The following PLEKHA7 variants were observed in gnomAD, a reference collection of about 807,000 sequenced individuals.
PLEKHA7 encodes the protein pleckstrin homology domain containing A7.
A neutral mutation model predicts 170.0 loss-of-function variants in PLEKHA7; 104 were observed. The ratio of observed to expected loss-of-function variants is 0.61; its 90% confidence interval spans 0.52 to 0.72. The LOEUF is 0.72. PLEKHA7 is among the 30% of genes least tolerant of loss of function. The pLI, the probability that PLEKHA7 is intolerant of heterozygous loss-of-function variation, is 0.00. For missense variants in PLEKHA7, 1,615 were observed against 1,671.7 expected, an observed-to-expected ratio of 0.97 and a Z score of 0.59; for synonymous variants, 648 against 660.8, an observed-to-expected ratio of 0.98 and a Z score of 0.30.
At chr11:16,952,600 G>A (rs1317344181) in intron 3 of PLEKHA7, among the ~76,000 whole-genome samples, 4 of 151,704 alleles carry the variant, frequency 2.6e-5, no homozygotes, top group East Asian at 3.8e-4. Context: ...CCAGACTTTC[G>A]TCATAATACA....
chr11:16,868,814 A>G (rs1854601242), intron 4 of PLEKHA7, among the ~76,000 whole-genome samples: 2 of 152,314 alleles, frequency 1.3e-5, no homozygotes, highest in African/African-American at 2.4e-5. Flanking sequence ...AACTACAGGG[A>G]TGTTTCGGTA....
chr11:16,790,960 C>G, intron 20 of PLEKHA7, 45 bp from the exon 21 acceptor site: 1 of 1,613,784 alleles, frequency 6.2e-7, no homozygotes, highest in South Asian at 1.1e-5. Context: ...GTGTCACACC[C>G]CTTTACCTCT....
intron 3 of PLEKHA7, among the ~76,000 whole-genome samples, chr11:16,903,651 G>A (rs1857477453): frequency 6.6e-6 from 1 of 152,200 alleles, no homozygotes; most frequent in South Asian, 2.1e-4. Context: ...ACAGCATAAA[G>A]AAAGGGGAGT....
At chr11:16,802,464 G>A (rs754092271) in intron 15 of PLEKHA7, among the ~76,000 whole-genome samples, 2 of 152,196 alleles carry the variant, frequency 1.3e-5, no homozygotes, top group African/African-American at 2.4e-5. Flanking sequence ...GGGCCTCCAC[G>A]GAGAGGTAAG....
intron 3 of PLEKHA7, among the ~76,000 whole-genome samples, chr11:16,994,576 A>G (rs1864232471): frequency 6.6e-6 from 1 of 152,152 alleles, no homozygotes; most frequent in Non-Finnish European, 1.5e-5. Context: ...GTACAGCCTC[A>G]GAGGGCCCGG....
At chr11:16,784,298 C>A (rs1849255812) in intron 24 of PLEKHA7, among the ~76,000 whole-genome samples, 1 of 152,188 alleles carries the variant, frequency 6.6e-6, no homozygotes, top group Non-Finnish European at 1.5e-5. Context: ...CTTCTCTGAT[C>A]CCCTCCACCC....
At position 16,854,930 on chromosome 11, in the gene PLEKHA7, G is replaced by C. The variant is rs1463407285; in HGVS notation, c.481C>G (p.Pro161Ala). 6.2e-7 allele frequency: 1 copy of C among 1,614,008 alleles called. No individual in the cohort carries two copies. The highest frequency in any genetic ancestry group is 1.1e-5 in the South Asian group (1 of 91,088). The stretch of plus-strand genomic sequence containing the variant: ...CCCCTCACCACCACGGGAACATTGG[G>C]GTTCCTCCGAATGGCCTGGTCTCTC... Reference protein sequence around the residue: ...GKRDQAIRRNPNVPVVVRGWL... With the variant: ...GKRDQAIRRNANVPVVVRGWL... Residue 161 changes from proline (P) to alanine (A), a missense_variant, in exon 6 of 27, where the codon CCC becomes GCC. Pro to Ala is a conservative substitution (Grantham distance 27). Transcript: ENST00000531066.
At chr11:16,982,385 C>A (rs1250030892) in intron 3 of PLEKHA7, among the ~76,000 whole-genome samples, 2 of 152,250 alleles carry the variant, frequency 1.3e-5, no homozygotes, top group African/African-American at 2.4e-5. Context: ...ACCTGGCCCC[C>A]ACCCCAACCC....
intron 3 of PLEKHA7, among the ~76,000 whole-genome samples, chr11:16,941,464 A>G (rs1038186435): frequency 1.3e-5 from 2 of 152,176 alleles, no homozygotes; most frequent in Non-Finnish European, 2.9e-5. Flanking sequence ...ATCTGGTTCA[A>G]TTTCCCCTTC....
chr11:16,962,691 C>T (rs879527366), intron 3 of PLEKHA7, among the ~76,000 whole-genome samples: 2 of 152,178 alleles, frequency 1.3e-5, no homozygotes, highest in African/African-American at 4.8e-5. Context: ...GAACTCCTGA[C>T]CTCAAGTGAT....
At chr11:16,914,241 T>A (rs1858470498) in intron 3 of PLEKHA7, among the ~76,000 whole-genome samples, 1 of 152,236 alleles carries the variant, frequency 6.6e-6, no homozygotes, top group Non-Finnish European at 1.5e-5. Context: ...GACATTTTTT[T>A]CTTTCTTGAT....
rs116477026 is a variant in PLEKHA7, at chr11:16,901,515, C to T, written c.222-30333G>A. ...TCCCAATATGTCTTTTCTCTTTTTT[C>T]GGGGGTGGGAAGGAACAGCTTTATT... On this transcript the variant is annotated intron_variant, in intron 3 of 26. Transcript: ENST00000531066. 2.5e-3 allele frequency among the ~76,000 whole-genome samples: 373 copies of T among 152,002 alleles called. 2 individuals are homozygous for T. Among genetic ancestry groups the T allele is most frequent in the African/African-American group, 8.8e-3 (366 of 41,500 alleles).
chr11:16,810,902 G>A (rs1320543470), intron 13 of PLEKHA7, among the ~76,000 whole-genome samples: 1 of 152,152 alleles, frequency 6.6e-6, no homozygotes, highest in African/African-American at 2.4e-5. Context: ...AAACTCATTA[G>A]CCTTTCGGAG....
At chr11:16,870,541 A>G (rs1026803449) in intron 4 of PLEKHA7, among the ~76,000 whole-genome samples, 2 of 151,454 alleles carry the variant, frequency 1.3e-5, no homozygotes, top group Non-Finnish European at 2.9e-5. Context: ...AGACAGGAGG[A>G]CTGCTTGAGC....
intron 3 of PLEKHA7, among the ~76,000 whole-genome samples, chr11:17,004,831 C>A (rs1255200981): frequency 6.6e-6 from 1 of 152,212 alleles, no homozygotes; most frequent in African/African-American, 2.4e-5. Context: ...CAAAATATTT[C>A]TCATTTCAGA....
At chr11:16,982,558 CAG>C (rs1863493192) in intron 3 of PLEKHA7, among the ~76,000 whole-genome samples, 1 of 152,206 alleles carries the variant, frequency 6.6e-6, no homozygotes, top group African/African-American at 2.4e-5. Flanking sequence ...AAGCAGGAAG[CAG>C]AGTCAGTGGT....
intron 3 of PLEKHA7, among the ~76,000 whole-genome samples, chr11:16,911,925 C>A (rs1289621048): frequency 6.6e-6 from 1 of 152,144 alleles, no homozygotes; most frequent in South Asian, 2.1e-4. Flanking sequence ...CCAAGCAGAG[C>A]GACACAGCCA....
At chr11:16,992,411 T>C (rs1864100314) in intron 3 of PLEKHA7, among the ~76,000 whole-genome samples, 1 of 152,148 alleles carries the variant, frequency 6.6e-6, no homozygotes, top group Admixed American at 6.5e-5. Flanking sequence ...CCTACATGGG[T>C]AAACAAGAAT....
intron 8 of PLEKHA7, among the ~76,000 whole-genome samples, chr11:16,850,298 C>G (rs896099523): frequency 1.3e-5 from 2 of 152,230 alleles, no homozygotes; most frequent in Admixed American, 1.3e-4. Flanking sequence ...CCTACTCCAG[C>G]TTGACGTGTA....
Sources: gnomAD v4.1 joint callset for allele counts (sites outside exome capture counted in the v4.1 genomes callset) on GRCh38, gnomAD v4.1.1 for gene constraint, MANE v1.5 for transcripts, NCBI Gene and HGNC (gene_info 2026-07-23, HGNC 2026-07-21) for gene names.